The following NPIPB2 variants were observed in gnomAD, a reference collection of about 807,000 sequenced individuals.
NPIPB2 encodes nuclear pore complex interacting protein family member B2, also known as nuclear pore complex-interacting protein family member B2.
In NPIPB2, 27 loss-of-function variants were observed where a neutral mutation model predicts 30.8. The observed-to-expected ratio is 0.88, with a 90% CI of 0.65 to 1.21. The LOEUF is 1.21. NPIPB2 is among the 50% of genes most tolerant of loss of function. The pLI is 0.00. For synonymous variants in NPIPB2, 147 were observed against 162.0 expected (o/e 0.91, Z 0.70); for missense variants, 440 against 446.2 (o/e 0.99, Z 0.13).
At chr16:11,942,013 G>A (rs1418678438) in exon 1 of NPIPB2, 16 of 1,326,390 alleles carry the variant, frequency 1.2e-5, no homozygotes, top group East Asian at 7.5e-5. Flanking sequence ...TACAGCCTCC[G>A]CTCAGCCATT....
intron 1 of NPIPB2, among the ~76,000 whole-genome samples, chr16:11,972,152 A>T (rs901367854): frequency 1.3e-5 from 2 of 152,016 alleles, no homozygotes; most frequent in Non-Finnish European, 2.9e-5. Context: ...TGTCTCAAAA[A>T]AACAAAAACA....
chr16:11,927,292 TGTTA>T (rs1471500264), downstream of NPIPB2: 5 of 724,624 alleles, frequency 6.9e-6, no homozygotes, highest in African/African-American at 1.8e-5. Flanking sequence ...ATTTATTCTT[TGTTA>T]GTTTGTTTTT....
At chr16:11,963,452 G>GGTAGAAGTGT (rs2055169224) in intron 1 of NPIPB2, among the ~76,000 whole-genome samples, 1 of 151,556 alleles carries the variant, frequency 6.6e-6, no homozygotes, top group Non-Finnish European at 1.5e-5. Flanking sequence ...TAGAAGGGAT[G>GGTAGAAGTGT]GCAGGTTTCC....
chr16:11,968,090 G>T, intron 1 of NPIPB2: 1 of 456,488 alleles, frequency 2.2e-6, no homozygotes. Flanking sequence ...TTATTAACGT[G>T]AGTTTTTAAA....
At chr16:11,946,021 A>C (rs1206116589), upstream of NPIPB2, among the ~76,000 whole-genome samples, 2 of 142,708 alleles carry the variant, frequency 1.4e-5, no homozygotes, top group East Asian at 2.1e-4. Context: ...TGTGGCTTCT[A>C]CAAAAAAAAA....
intron 1 of NPIPB2, among the ~76,000 whole-genome samples, chr16:11,940,634 G>A (rs1292509643): frequency 1.4e-4 from 21 of 145,454 alleles, no homozygotes; most frequent in African/African-American, 4.8e-4. Flanking sequence ...TTAGCCAGGC[G>A]TTGTAATCTG....
At chr16:11,954,428 T>C (rs914920931) in intron 1 of NPIPB2, among the ~76,000 whole-genome samples, 12 of 150,416 alleles carry the variant, frequency 8.0e-5, no homozygotes, top group African/African-American at 2.4e-4. Context: ...CAGTGAGTTA[T>C]GATTGCACCA....
chr16:11,964,411 T>C (rs1596506300), intron 1 of NPIPB2, among the ~76,000 whole-genome samples: 1 of 151,984 alleles, frequency 6.6e-6, no homozygotes, highest in South Asian at 2.1e-4. Flanking sequence ...CTGATCTTCC[T>C]GTAGAATTTT....
chr16:11,963,281 G>C (rs1283991346), intron 1 of NPIPB2, among the ~76,000 whole-genome samples: 2 of 151,752 alleles, frequency 1.3e-5, no homozygotes, highest in African/African-American at 4.8e-5. Context: ...TCAGGAGGCT[G>C]AGGCCAGAGA....
At chr16:11,952,342 C>T (rs3851000) in intron 1 of NPIPB2, among the ~76,000 whole-genome samples, 47,328 of 151,210 alleles carry the variant, frequency 0.31, 9,136 homozygotes, top group Non-Finnish European at 0.45. Flanking sequence ...AGCAAGACTC[C>T]GTCTCAAAAA....
intron 5 of NPIPB2, 66 bp downstream of exon 5, chr16:11,930,384 C>CA (rs1184611416): frequency 7.1e-7 from 1 of 1,412,770 alleles, no homozygotes; most frequent in Non-Finnish European, 9.6e-7. Context: ...AAACATTGTA[C>CA]AAAGGTTAAA....
At chr16:11,967,892 C>G (rs1426677873) in intron 1 of NPIPB2, 1 of 1,590,822 alleles carries the variant, frequency 6.3e-7, no homozygotes, top group Non-Finnish European at 8.6e-7. Flanking sequence ...AATCTTTTGT[C>G]AGAATAGATG....
chr16:11,951,619 T>TACACACAC lies in NPIPB2; in HGVS notation c.-583-9506_-583-9505insGTGTGTGT, dbSNP rs1237887146. Among the ~76,000 whole-genome samples the TACACACAC allele has an allele frequency of 1.6e-3, 181 of 115,888 alleles. 3 individuals are homozygous for TACACACAC. Among genetic ancestry groups the TACACACAC allele is most frequent in the African/African-American group, 4.7e-3 (147 of 31,074 alleles). The allele number at this position is 115,888 out of a possible 152,430, so 76.0% of individuals were successfully genotyped here. A position where few individuals can be genotyped will look rare whatever the true frequency, so the allele number is the denominator to read the frequency against. Reference sequence around the variant, plus strand: ...CACTGATACAGATGGACACTGCACATACACATACACACACACACACACACA... The same window carrying TACACACAC: ...CACTGATACAGATGGACACTGCACATACACACACACACATACACACACACACACACACA... On this transcript the variant is annotated intron_variant, in intron 1 of 5. Transcript: ENST00000538896.
At chr16:11,952,181 A>AC (rs1472439833) in intron 1 of NPIPB2, among the ~76,000 whole-genome samples, 6 of 146,218 alleles carry the variant, frequency 4.1e-5, no homozygotes, top group African/African-American at 1.5e-4. Flanking sequence ...AAAACAAAAA[A>AC]AAAAACAAAG....
intron 1 of NPIPB2, among the ~76,000 whole-genome samples, chr16:11,975,821 C>T (rs1410625021): frequency 6.6e-6 from 1 of 152,054 alleles, no homozygotes; most frequent in Admixed American, 6.6e-5. Flanking sequence ...GAACTTCTGA[C>T]CTCAGGTGAT....
At chr16:11,967,779 G>A in intron 1 of NPIPB2, 1 of 1,614,202 alleles carries the variant, frequency 6.2e-7, no homozygotes, top group Non-Finnish European at 8.5e-7. Flanking sequence ...GAAAACGAAT[G>A]ACTATTGCAA....
At chr16:11,950,962 CAT>C (rs140008745) in intron 1 of NPIPB2, among the ~76,000 whole-genome samples, 5 of 150,900 alleles carry the variant, frequency 3.3e-5, no homozygotes, top group Non-Finnish European at 7.4e-5. Flanking sequence ...CATATACTAA[CAT>C]ATATACATGA....
intron 4 of NPIPB2, among the ~76,000 whole-genome samples, chr16:11,931,752 C>T (rs201177356): frequency 0.14 from 19,389 of 140,640 alleles, 1,468 homozygotes; most frequent in South Asian, 0.22. Flanking sequence ...TTCTGATCTC[C>T]GATGAGAACA....
intron 1 of NPIPB2, among the ~76,000 whole-genome samples, chr16:11,947,074 CAT>C (rs35491095): frequency 0.27 from 38,157 of 139,374 alleles, 6,177 homozygotes; most frequent in East Asian, 0.6. Flanking sequence ...TATATATAAA[CAT>C]ATATATAATA....
Sources: gnomAD v4.1 joint callset for allele counts (sites outside exome capture counted in the v4.1 genomes callset) on GRCh38, gnomAD v4.1.1 for gene constraint, MANE v1.5 for transcripts, NCBI Gene and HGNC (gene_info 2026-07-23, HGNC 2026-07-21) for gene names.